TXNRD1: variants seen among roughly 807,000 people sequenced by gnomAD.
TXNRD1 encodes thioredoxin reductase 1, cytoplasmic.
In TXNRD1, 57 loss-of-function variants were observed where a neutral mutation model predicts 80.3. The ratio of observed to expected loss-of-function variants is 0.71; its 90% CI spans 0.57 to 0.89. TXNRD1 has a LOEUF of 0.89. Among genes scored for constraint, TXNRD1 ranks in the 40% least tolerant of loss-of-function variants. TXNRD1 has a pLI of 0.00. For missense variants in TXNRD1, 730 were observed against 803.0 expected, an observed-to-expected ratio of 0.91 and a Z score of 1.10; for synonymous variants, 291 against 285.2, an observed-to-expected ratio of 1.02 and a Z score of -0.20.
At chr12:104,230,071 T>G (rs1032235724) in intron 1 of TXNRD1, among the ~76,000 whole-genome samples, 17 of 146,810 alleles carry the variant, frequency 1.2e-4, no homozygotes, top group Admixed American at 6.7e-5. Context: ...ATGTTTAACA[T>G]TTTTTTCATT....
chr12:104,267,158 T>C (rs1166535456), intron 3 of TXNRD1, among the ~76,000 whole-genome samples: 1 of 87,646 alleles, frequency 1.1e-5, no homozygotes, highest in Non-Finnish European at 2.3e-5. Flanking sequence ...AGAGTGAGAC[T>C]CCCTCTCAAA....
intron 4 of TXNRD1, among the ~76,000 whole-genome samples, chr12:104,306,620 C>G (rs552847050): frequency 2.1e-4 from 32 of 152,262 alleles, no homozygotes; most frequent in African/African-American, 7.5e-4. Context: ...AGATGAGGTT[C>G]TTCACCAATA....
At chr12:104,262,453 G>A (rs186215119) in intron 3 of TXNRD1, 1 of 152,300 alleles carries the variant, frequency 6.6e-6, no homozygotes, top group Admixed American at 6.5e-5. Flanking sequence ...AACTGCTGAT[G>A]CAGTCTTCTA....
chr12:104,324,081 A>C (rs2035665008), intron 10 of TXNRD1, among the ~76,000 whole-genome samples: 1 of 152,162 alleles, frequency 6.6e-6, no homozygotes. Flanking sequence ...TGTTCTAGAT[A>C]CCAAAAAGGC....
At chr12:104,315,395 AAC>A (rs2035289626) in intron 6 of TXNRD1, among the ~76,000 whole-genome samples, 1 of 152,238 alleles carries the variant, frequency 6.6e-6, no homozygotes, top group African/African-American at 2.4e-5. Context: ...CTGAAAGTGA[AAC>A]ACAGTATGGG....
At chr12:104,277,309 A>G (rs1300256226) in intron 3 of TXNRD1, among the ~76,000 whole-genome samples, 2 of 151,090 alleles carry the variant, frequency 1.3e-5, no homozygotes, top group South Asian at 2.1e-4. Flanking sequence ...CTGAGGCAGG[A>G]GAATGACATG....
intron 3 of TXNRD1, among the ~76,000 whole-genome samples, chr12:104,268,366 C>T (rs1178334124): frequency 7.4e-6 from 1 of 135,246 alleles, no homozygotes; most frequent in East Asian, 2.8e-4. Context: ...AAAAAAAAAA[C>T]CCACCCATAT....
chr12:104,257,699 G>A (rs888027964), intron 2 of TXNRD1, among the ~76,000 whole-genome samples: 3 of 152,006 alleles, frequency 2.0e-5, no homozygotes, highest in African/African-American at 7.2e-5. Flanking sequence ...GTGAGCCACC[G>A]CACCCGGCCT....
chr12:104,331,638 T>C lies in TXNRD1; in HGVS notation c.1647T>C (p.Ile549=). 1 of 1,601,952 alleles carries C rather than the reference T, an allele frequency of 6.2e-7. No homozygotes were observed. The highest frequency in any genetic ancestry group is 1.3e-5 in the African/African-American group (1 of 74,836). Residue 549 remains isoleucine (I), a synonymous_variant, in exon 14 of 17, where the codon ATT becomes ATC. Transcript: ENST00000525566. ...TGGAGAAGTTTGGGGAAGAAAATAT[T>C]GAGGTAAGTTCTTTTCCTCTTTTCT... ...KAVEKFGEEN[I]EVYHSYFWPL... is the part of the protein sequence containing the mutation.
intron 3 of TXNRD1, among the ~76,000 whole-genome samples, chr12:104,275,693 T>C (rs1168405463): frequency 6.6e-6 from 1 of 152,192 alleles, no homozygotes; most frequent in Non-Finnish European, 1.5e-5. Flanking sequence ...TTGAGTTAAG[T>C]TTTGATCGGT....
intron 1 of TXNRD1, among the ~76,000 whole-genome samples, chr12:104,223,868 G>A (rs1593679212): frequency 6.6e-6 from 1 of 152,148 alleles, no homozygotes; most frequent in East Asian, 1.9e-4. Context: ...TGCTAATGGT[G>A]TTTATTAAAA....
chr12:104,270,951 C>A (rs561600633), intron 3 of TXNRD1, among the ~76,000 whole-genome samples: 2 of 152,088 alleles, frequency 1.3e-5, no homozygotes, highest in African/African-American at 4.8e-5. Flanking sequence ...GAGTTTGAGA[C>A]CAGCCTGGCC....
Position 104,315,796 on chromosome 12 carries a change from G to C in TXNRD1, c.630G>C (p.Val210=). 6.2e-7 allele frequency: 1 copy of C among 1,610,012 alleles called. No individual in the cohort carries two copies. Among genetic ancestry groups the C allele is most frequent in the Non-Finnish European group, 8.5e-7 (1 of 1,177,706 alleles). Residue 210 remains valine (V), a synonymous_variant, in exon 7 of 17, where the codon GTG becomes GTC. Coordinates refer to ENST00000525566, the MANE Select transcript of TXNRD1 (RefSeq NM_001093771.3). ...TTGTAGGTCTCGGAGGAACATGTGT[G>C]AATGTGGGTTGCATACCTAAAAAAC... is the stretch of plus-strand genomic sequence containing the variant. ...GTRWGLGGTC[V]NVGCIPKKLM...
chr12:104,264,557 C>CA (rs1459749289), intron 3 of TXNRD1, among the ~76,000 whole-genome samples: 66 of 152,178 alleles, frequency 4.3e-4, no homozygotes, highest in East Asian at 1.9e-4. Context: ...TAATAAAATA[C>CA]AAAAAATCAC....
chr12:104,335,316 C>T (rs1324417023), intron 15 of TXNRD1, among the ~76,000 whole-genome samples: 1 of 151,440 alleles, frequency 6.6e-6, no homozygotes, highest in Non-Finnish European at 1.5e-5. Context: ...ATTTTCCTGC[C>T]TCAGCCTCCC....
intron 1 of TXNRD1, among the ~76,000 whole-genome samples, chr12:104,243,813 T>G (rs769019270): frequency 2.6e-4 from 39 of 152,246 alleles, no homozygotes; most frequent in Non-Finnish European, 4.3e-4. Flanking sequence ...ACTCAAGTTC[T>G]AACACATGGC....
At chr12:104,271,864 C>T (rs1249839112) in intron 3 of TXNRD1, among the ~76,000 whole-genome samples, 2 of 132,484 alleles carry the variant, frequency 1.5e-5, no homozygotes, top group South Asian at 2.4e-4. Context: ...AGCGAGACTC[C>T]ATCTCAAAAA....
chr12:104,300,334 G>T (rs1470897055), intron 4 of TXNRD1, among the ~76,000 whole-genome samples: 1 of 152,240 alleles, frequency 6.6e-6, no homozygotes, highest in Non-Finnish European at 1.5e-5. Context: ...AAAGGGGAAA[G>T]AGGGGAGCTA....
rs892090952 is a variant in TXNRD1 at position 104,349,793 on chromosome 12, T to A, written c.*1372T>A. 6.6e-6 allele frequency: 1 copy of A among 152,522 alleles called. No homozygotes were observed. The highest frequency in any genetic ancestry group is 1.5e-5 in the Non-Finnish European group (1 of 68,062). 9.4% of individuals were successfully genotyped at this position (152,522 alleles called of 1,614,324 possible). ...TTCATTCCTGCTACTCTACCTGTATTTCTCAGTTGCAGCACTGAGTGGTCA... is the reference window on the plus strand; with the variant it reads ...TTCATTCCTGCTACTCTACCTGTATATCTCAGTTGCAGCACTGAGTGGTCA... On this transcript the variant is annotated 3_prime_UTR_variant, in exon 17 of 17. Coordinates refer to ENST00000525566, the MANE Select transcript of TXNRD1 (RefSeq NM_001093771.3).
Sources: allele counts gnomAD v4.1 joint callset (sites outside exome capture counted in the v4.1 genomes callset), GRCh38; gene constraint gnomAD v4.1.1; transcripts MANE v1.5; gene names NCBI Gene and HGNC (gene_info 2026-07-23, HGNC 2026-07-21).